HPSE2: variants seen among roughly 807,000 people sequenced by gnomAD.
HPSE2 encodes inactive heparanase-2.
HPSE2 carries 38 observed loss-of-function variants against 60.5 expected under a neutral mutation model. That is an observed-to-expected ratio of 0.63 (90% CI 0.48 to 0.82). The LOEUF (loss-of-function observed/expected upper bound fraction) is 0.82. Ranked by LOEUF, HPSE2 falls within the 40% of genes least tolerant of loss-of-function variation. The pLI is 0.00. For synonymous variants in HPSE2, 295 were observed against 293.2 expected (o/e 1.01, Z -0.06); for missense variants, 713 against 740.4 (o/e 0.96, Z 0.43).
chr10:98,847,827 A>G (rs1952069389), intron 3 of HPSE2, among the ~76,000 whole-genome samples: 2 of 152,208 alleles, frequency 1.3e-5, no homozygotes, highest in Non-Finnish European at 2.9e-5. Flanking sequence ...ATGGTACTTT[A>G]TTAGAATACC....
At chr10:98,879,478 G>A (rs1026065348) in intron 3 of HPSE2, among the ~76,000 whole-genome samples, 1 of 151,988 alleles carries the variant, frequency 6.6e-6, no homozygotes, top group Admixed American at 6.6e-5. Flanking sequence ...GCTGGTGTCT[G>A]GTGAGGACGC....
At chr10:98,949,023 T>G (rs2135185852) in intron 3 of HPSE2, among the ~76,000 whole-genome samples, 1 of 152,222 alleles carries the variant, frequency 6.6e-6, no homozygotes, top group Non-Finnish European at 1.5e-5. Flanking sequence ...AGTCAAAAGT[T>G]ATGTGCAAAT....
intron 3 of HPSE2, among the ~76,000 whole-genome samples, chr10:98,921,231 C>G (rs1372653586): frequency 6.6e-6 from 1 of 152,156 alleles, no homozygotes; most frequent in Non-Finnish European, 1.5e-5. Flanking sequence ...GTTTCTGGCA[C>G]ATACTGAGCA....
the HPSE2 span, among the ~76,000 whole-genome samples, chr10:99,307,836 A>G: frequency 3.3e-5 from 4 of 120,892 alleles, no homozygotes; most frequent in Admixed American, 7.3e-5. Flanking sequence ...AAATGCGCAC[A>G]CACACACACA....
intron 6 of HPSE2, among the ~76,000 whole-genome samples, chr10:98,668,961 A>C (rs1947439345): frequency 6.6e-6 from 1 of 152,142 alleles, no homozygotes; most frequent in Non-Finnish European, 1.5e-5. Flanking sequence ...TGGAGTAAAT[A>C]GCCTAGAGAA....
At chr10:98,696,025 G>T (rs765371782) in intron 5 of HPSE2, among the ~76,000 whole-genome samples, 5 of 152,090 alleles carry the variant, frequency 3.3e-5, no homozygotes, top group Non-Finnish European at 4.4e-5. Context: ...AAGCAGGGAA[G>T]ATCTGATAAT....
At chr10:98,759,637 T>A (rs1949960997) in intron 3 of HPSE2, among the ~76,000 whole-genome samples, 1 of 152,262 alleles carries the variant, frequency 6.6e-6, no homozygotes, top group African/African-American at 2.4e-5. Context: ...CTCTGTTCTG[T>A]TACATTGATC....
At position 98,678,916 on chromosome 10, in the gene HPSE2, A is replaced by C. The variant is rs140065152; in HGVS notation, c.1004+14984T>G. 2.0e-5 allele frequency among the ~76,000 whole-genome samples: 3 copies of C among 152,286 alleles called. No individual in the cohort carries two copies. In the East Asian group the frequency reaches 5.8e-4, roughly 29 times the overall value. ...CTGTCTCCCTAAACACCACCAAAAC[A>C]ATAGTAACAGAACCAAAACAAACAA... is the stretch of plus-strand genomic sequence containing the variant. On this transcript the variant is annotated intron_variant, in intron 6 of 11. Coordinates refer to ENST00000370552, the MANE Select transcript of HPSE2 (RefSeq NM_021828.5).
At chr10:98,625,691 A>G (rs1427627689) in intron 7 of HPSE2, among the ~76,000 whole-genome samples, 1 of 152,258 alleles carries the variant, frequency 6.6e-6, no homozygotes, top group Non-Finnish European at 1.5e-5. Flanking sequence ...GATACTAATA[A>G]GAATTAAGTT....
intron 3 of HPSE2, among the ~76,000 whole-genome samples, chr10:98,853,540 C>T (rs1007207495): frequency 1.3e-5 from 2 of 151,968 alleles, no homozygotes; most frequent in African/African-American, 2.4e-5. Flanking sequence ...CATCTCGTCC[C>T]TTTTCCGCAC....
At chr10:98,917,549 A>G (rs996854723) in intron 3 of HPSE2, among the ~76,000 whole-genome samples, 2 of 152,236 alleles carry the variant, frequency 1.3e-5, no homozygotes, top group African/African-American at 4.8e-5. Flanking sequence ...AACTTCTCTG[A>G]GCATCCAATT....
At chr10:99,266,236 G>C in the HPSE2 span, among the ~76,000 whole-genome samples, 2 of 152,156 alleles carry the variant, frequency 1.3e-5, no homozygotes, top group South Asian at 4.1e-4. Flanking sequence ...TCAGCCAGGA[G>C]GCTGGTTGCC....
intron 3 of HPSE2, among the ~76,000 whole-genome samples, chr10:98,860,113 G>A (rs1564616488): frequency 6.6e-6 from 1 of 152,266 alleles, no homozygotes; most frequent in East Asian, 1.9e-4. Flanking sequence ...GTCTTGGAAT[G>A]TATCCCTCAT....
intron 5 of HPSE2, among the ~76,000 whole-genome samples, chr10:98,717,647 T>G (rs917134193): frequency 3.3e-5 from 5 of 152,060 alleles, no homozygotes; most frequent in African/African-American, 1.2e-4. Context: ...ACACATTTGT[T>G]GATTAAGTTT....
At chr10:98,794,243 A>T (rs917973025) in intron 3 of HPSE2, among the ~76,000 whole-genome samples, 4 of 144,260 alleles carry the variant, frequency 2.8e-5, no homozygotes, top group Non-Finnish European at 4.6e-5. Flanking sequence ...CATTGCATTA[A>T]TTTTTTTTTT....
chr10:99,071,396 A>G (rs1342476259), intron 3 of HPSE2, among the ~76,000 whole-genome samples: 2 of 152,092 alleles, frequency 1.3e-5, no homozygotes, highest in Admixed American at 6.6e-5. Flanking sequence ...AGGAAATGTC[A>G]TATCTTTCAT....
chr10:99,198,537 A>G (rs1564888320), intron 2 of HPSE2, among the ~76,000 whole-genome samples: 1 of 152,236 alleles, frequency 6.6e-6, no homozygotes, highest in Non-Finnish European at 1.5e-5. Flanking sequence ...ACCATAAATA[A>G]TAACAGATGG....
intron 2 of HPSE2, among the ~76,000 whole-genome samples, chr10:99,156,439 G>C (rs1846564412): frequency 7.3e-6 from 1 of 137,336 alleles, no homozygotes; most frequent in Admixed American, 7.6e-5. Flanking sequence ...TGCAAGGCTG[G>C]TTCAATATAC....
At chr10:98,876,470 C>A (rs1013664297) in intron 3 of HPSE2, among the ~76,000 whole-genome samples, 1 of 151,844 alleles carries the variant, frequency 6.6e-6, no homozygotes, top group African/African-American at 2.4e-5. Flanking sequence ...TGGCACATGG[C>A]ATGCACTCCA....
Sources: gnomAD v4.1 joint callset for allele counts (sites outside exome capture counted in the v4.1 genomes callset) on GRCh38, gnomAD v4.1.1 for gene constraint, MANE v1.5 for transcripts, NCBI Gene and HGNC (gene_info 2026-07-23, HGNC 2026-07-21) for gene names.